DLL3: variants seen among roughly 807,000 people sequenced by gnomAD.
DLL3 encodes delta-like protein 3.
A neutral mutation model predicts 55.0 loss-of-function variants in DLL3; 49 were observed. The ratio of observed to expected loss-of-function variants is 0.89; its 90% CI spans 0.71 to 1.13. DLL3 has a LOEUF of 1.13. DLL3 is among the 50% of genes most tolerant of loss of function. The pLI is 0.00. For missense variants in DLL3, 962 were observed against 875.5 expected, an observed-to-expected ratio of 1.10 and a Z score of -1.25; for synonymous variants, 421 against 385.2, an observed-to-expected ratio of 1.09 and a Z score of -1.09.
In DLL3 at chr19:39,499,429, C is replaced by T. The variant is rs1402142919; in HGVS notation, c.307C>T (p.Leu103=). The T allele has an allele frequency of 1.3e-5, 21 of 1,590,884 alleles. No homozygotes were observed. The highest frequency in any genetic ancestry group is 1.5e-5 in the Non-Finnish European group (18 of 1,176,350). The part of the protein sequence containing the change: ...QPGAPAPDLP[L]PDGLLQVPFR... ...CGGAGCGCCCGCGCCTGATCTCCCA[C>T]TGCCCGACGGCCTCTTGCAGGTGCC... The change falls in exon 2 of 9, where the codon CTG becomes TTG. Residue 103 remains leucine, a synonymous_variant. Coordinates refer to ENST00000356433, the MANE Select transcript of DLL3 (RefSeq NM_203486.3).
Position 39,508,326 on chromosome 19 carries a change from C to A in DLL3, c.*69C>A. 6.3e-7 allele frequency: 1 copy of A among 1,580,784 alleles called. No individual in the cohort carries two copies. Among genetic ancestry groups the A allele is most frequent in the Non-Finnish European group, 8.7e-7 (1 of 1,150,806 alleles). On this transcript the variant is annotated 3_prime_UTR_variant, in exon 9 of 9. Coordinates refer to ENST00000356433, the MANE Select transcript of DLL3 (RefSeq NM_203486.3). ...GTATTTGCTCGGTGGTGCCCAGTCT[C>A]TGCCCCAGAGGCTTTGGAGTTCAAT...
chr19:39,500,262 T>TAAAAA (rs34900598), intron 2 of DLL3, among the ~76,000 whole-genome samples: 3 of 134,992 alleles, frequency 2.2e-5, no homozygotes, highest in Non-Finnish European at 3.2e-5. Flanking sequence ...ACCTCGTTTC[T>TAAAAA]AAAAAAAAAA....
chr19:39,502,708 G>A, intron 3 of DLL3, 107 bp from the exon 4 acceptor site: 4 of 1,261,704 alleles, frequency 3.2e-6, no homozygotes, highest in Non-Finnish European at 3.0e-6. Context: ...CCATGAGGGT[G>A]TTTTGGCCTC....
intron 8 of DLL3, 161 bp downstream of exon 8, chr19:39,508,075 T>G: frequency 5.0e-6 from 8 of 1,602,804 alleles, no homozygotes; most frequent in Non-Finnish European, 6.8e-6. Flanking sequence ...TTTCATCCTA[T>G]TTTGCATCCC....
chr19:39,502,742 G>T, intron 3 of DLL3, 73 bp from the exon 4 acceptor site: 2 of 1,286,714 alleles, frequency 1.6e-6, no homozygotes, highest in Non-Finnish European at 2.0e-6. Flanking sequence ...GGGAGAATGC[G>T]GCCGGGGCGC....
rs1241883918 is a variant in DLL3, at chr19:39,505,258, C to G, written c.900C>G (p.Cys300Trp). ...CACCCAGGTCCTTTGAATGCACCTGCCCGCGTGGGTTCTACGGGCTGCGGT... is the reference window on the plus strand; with the variant it reads ...CACCCAGGTCCTTTGAATGCACCTGGCCGCGTGGGTTCTACGGGCTGCGGT... ...SETPRSFECT[C>W]PRGFYGLRCE... Residue 300 changes from cysteine to tryptophan, a missense_variant, in exon 6 of 9, where the codon TGC (cysteine) becomes TGG (tryptophan). Cys to Trp is a radical substitution (Grantham distance 215). Coordinates refer to ENST00000356433, the MANE Select transcript of DLL3 (RefSeq NM_203486.3). 1 of 1,614,172 alleles carries G rather than the reference C, an allele frequency of 6.2e-7. No individual in the cohort carries two copies. Among genetic ancestry groups the G allele is most frequent in the Non-Finnish European group, 8.5e-7 (1 of 1,180,040 alleles).
At position 39,502,989 on chromosome 19, in the gene DLL3, GCGCCCCCT is replaced by G; in HGVS notation, c.588_595del (p.Pro197ValfsTer16). On this transcript the variant is annotated frameshift_variant, in exon 4 of 9. Transcript: ENST00000356433. LOFTEE classifies it high-confidence loss of function. ...TGCACGCGCCTCTGCCGTCCGCGCA[GCGCCCCCT>G]CGCGGTGCGGTCCGGGACTGCGCCC... is the stretch of plus-strand genomic sequence containing the variant. 1.3e-6 allele frequency: 2 copies of G among 1,483,290 alleles called. No individual in the cohort carries two copies. Among genetic ancestry groups the G allele is most frequent in the Non-Finnish European group, 1.8e-6 (2 of 1,124,818 alleles). The allele number at this position is 1,483,290 out of a possible 1,614,324, so 91.9% of individuals were successfully genotyped here. A position where few individuals can be genotyped will look rare whatever the true frequency, so the allele number is the denominator to read the frequency against.
chr19:39,503,155 C>A (rs2144759885), intron 4 of DLL3, 98 bp downstream of exon 4: 2 of 1,335,456 alleles, frequency 1.5e-6, no homozygotes, highest in South Asian at 2.8e-5. Flanking sequence ...AACCCACTCA[C>A]CCTCTTCAGG....
chr19:39,502,420 G>A (rs1259562118), intron 3 of DLL3, among the ~76,000 whole-genome samples: 6 of 151,688 alleles, frequency 4.0e-5, no homozygotes, highest in East Asian at 2.0e-4. Flanking sequence ...GTGCCACCAC[G>A]CCTGGCTAAT....
rs926476806 is a variant in DLL3 at position 39,500,517 on chromosome 19, T to C, written c.352-98T>C. On this transcript the variant is annotated intron_variant, in intron 2 of 8. Transcript: ENST00000356433. The stretch of plus-strand genomic sequence containing the variant: ...CCCTTGCTTGCTCAGTCCCCAGCAA[T>C]GGCCATCACCCTCCATTCCTGAACT... 7.9e-6 allele frequency: 8 copies of C among 1,013,010 alleles called. No homozygotes were observed. In the African/African-American group the frequency reaches 1.1e-4, roughly 14 times the overall value. 62.8% of individuals were successfully genotyped at this position (1,013,010 alleles called of 1,614,324 possible). A position where few individuals can be genotyped will look rare whatever the true frequency, so the allele number is the denominator to read the frequency against.
chr19:39,500,726 G>A (rs1355413312), intron 3 of DLL3, 54 bp downstream of exon 3: 9 of 1,512,826 alleles, frequency 5.9e-6, no homozygotes, highest in Middle Eastern at 1.7e-4. Context: ...CGTGAGACAC[G>A]GGGTTGGTGG....
At chr19:39,501,418 C>T (rs576096172) in intron 3 of DLL3, among the ~76,000 whole-genome samples, 1 of 152,280 alleles carries the variant, frequency 6.6e-6, no homozygotes, top group Non-Finnish European at 1.5e-5. Context: ...CAGGGCATTC[C>T]TATCCTCAAC....
At chr19:39,504,727 G>A (rs2079630566) in intron 5 of DLL3, among the ~76,000 whole-genome samples, 2 of 152,112 alleles carry the variant, frequency 1.3e-5, no homozygotes, top group African/African-American at 4.8e-5. Flanking sequence ...GGCCAGGTGA[G>A]TGGCCTGCAG....
Position 39,506,726 on chromosome 19 carries a change from G to A in DLL3, c.1094-313G>A, listed in dbSNP as rs773503621. On this transcript the variant is annotated intron_variant, in intron 6 of 8. Transcript: ENST00000356433. ...AAAAGGAGGAAGGGAAGAGAGGAGG[G>A]GTATTCTAGGCAGAGGAAGGCCAGA... Among the ~76,000 whole-genome samples the A allele has an allele frequency of 2.6e-5, 4 of 151,796 alleles. No homozygotes were observed. The East Asian group carries it at 5.8e-4, about 22-fold the overall frequency.
At chr19:39,505,726 T>C (rs1180212811) in intron 6 of DLL3, 1 of 457,672 alleles carries the variant, frequency 2.2e-6, no homozygotes, top group African/African-American at 2.0e-5. Flanking sequence ...CTGATAGAGC[T>C]GAGGTGCCTG....
At chr19:39,500,793 T>G in intron 3 of DLL3, 121 bp downstream of exon 3, 1 of 868,136 alleles carries the variant, frequency 1.2e-6, no homozygotes, top group Admixed American at 1.9e-5. Context: ...TGCTGAGTGT[T>G]GACAGCTCCA....
At chr19:39,505,938 C>G (rs953223724) in intron 6 of DLL3, among the ~76,000 whole-genome samples, 1 of 152,014 alleles carries the variant, frequency 6.6e-6, no homozygotes, top group Non-Finnish European at 1.5e-5. Flanking sequence ...CGGCCCGGCA[C>G]GGCGACTCAC....
rs1367495923 is a variant in DLL3, at chr19:39,507,482, G to A, written c.1537G>A (p.Val513Ile). The change falls in exon 7 of 9, where the codon GTC (valine) becomes ATC (isoleucine). Residue 513 changes from valine (V) to isoleucine (I), a missense_variant. Transcript: ENST00000356433. ...CGTGGCCGGCGCTGCGCTCTTGCTG[G>A]TCCACGTGCGCCGCCGTGGCCACTC... ...AGVAGAALLL[V>I]HVRRRGHSQD... 6.3e-7 allele frequency: 1 copy of A among 1,594,516 alleles called. No homozygotes were observed. The highest frequency in any genetic ancestry group is 8.5e-7 in the Non-Finnish European group (1 of 1,171,818).
chr19:39,499,089 G>C, intron 1 of DLL3, 46 bp downstream of exon 1: 1 of 1,613,874 alleles, frequency 6.2e-7, no homozygotes, highest in Non-Finnish European at 8.5e-7. Flanking sequence ...GAATGCGGAG[G>C]GGAGGGGTGA....
Sources: allele counts gnomAD v4.1 joint callset (sites outside exome capture counted in the v4.1 genomes callset), GRCh38; gene constraint gnomAD v4.1.1; transcripts MANE v1.5; gene names NCBI Gene and HGNC (gene_info 2026-07-23, HGNC 2026-07-21).